Variants in DOCK2 observed in about 807,000 individuals in gnomAD.
The protein encoded by DOCK2 is dedicator of cytokinesis protein 2.
In DOCK2, 87 loss-of-function variants were observed where a neutral mutation model predicts 248.9. The observed-to-expected ratio is 0.35, with a 90% CI of 0.29 to 0.42. DOCK2 has a LOEUF of 0.42. Ranked by LOEUF, DOCK2 falls within the 10% of genes least tolerant of loss-of-function variation. The pLI, the probability that DOCK2 is intolerant of heterozygous loss-of-function variation, is 1.00. For missense variants in DOCK2, 1,747 were observed against 2,300.2 expected (o/e 0.76, Z 4.92); for synonymous variants, 805 against 821.6 (o/e 0.98, Z 0.35).
chr5:169,915,414 G>T (rs1391765454), intron 27 of DOCK2, among the ~76,000 whole-genome samples: 2 of 152,086 alleles, frequency 1.3e-5, no homozygotes, highest in African/African-American at 4.8e-5. Context: ...CCATTTTGCT[G>T]GTGGAAAACT....
chr5:169,706,757 C>A (rs944210897), intron 14 of DOCK2, among the ~76,000 whole-genome samples: 1 of 152,182 alleles, frequency 6.6e-6, no homozygotes, highest in Non-Finnish European at 1.5e-5. Context: ...ATTCTGTTTT[C>A]AAATGGATCG....
intron 32 of DOCK2, among the ~76,000 whole-genome samples, chr5:170,009,230 C>G (rs1336244963): frequency 6.6e-6 from 1 of 152,014 alleles, no homozygotes; most frequent in Non-Finnish European, 1.5e-5. Flanking sequence ...TTCAGGAATT[C>G]TGTGTGATTA....
At chr5:169,656,076 A>G (rs1758093830) in intron 2 of DOCK2, among the ~76,000 whole-genome samples, 2 of 152,342 alleles carry the variant, frequency 1.3e-5, no homozygotes, top group Non-Finnish European at 2.9e-5. Flanking sequence ...GATTCCACGC[A>G]CGCTGCCCCC....
At chr5:169,887,616 T>G (rs998558568) in intron 27 of DOCK2, among the ~76,000 whole-genome samples, 13 of 152,252 alleles carry the variant, frequency 8.5e-5, no homozygotes, top group African/African-American at 3.1e-4. Context: ...ATTATCTATT[T>G]AAATAGTATT....
At chr5:169,732,919 C>T (rs921066907) in intron 22 of DOCK2, among the ~76,000 whole-genome samples, 4 of 152,134 alleles carry the variant, frequency 2.6e-5, no homozygotes, top group African/African-American at 9.7e-5. Flanking sequence ...TTCTCCCTGT[C>T]TTACTGTACG....
chr5:170,015,781 C>T (rs183990421), intron 32 of DOCK2, among the ~76,000 whole-genome samples: 49 of 151,394 alleles, frequency 3.2e-4, no homozygotes, highest in Admixed American at 8.6e-4. Context: ...TTCACAAAAG[C>T]CTCCCTCCCT....
In DOCK2 at chr5:169,752,537, A is replaced by G. The variant is rs115616399; in HGVS notation, c.2376+5033A>G. On this transcript the variant is annotated intron_variant, in intron 23 of 51. Coordinates refer to ENST00000520908, the MANE Select transcript of DOCK2 (RefSeq NM_004946.3). ...GAGGATCTCTCAAGCCTAGGAGTTC[A>G]AGACCAGGCTGGGGAACATAGTGAG... 5.4e-3 allele frequency among the ~76,000 whole-genome samples: 815 copies of G among 150,796 alleles called. 10 individuals are homozygous for G. The highest frequency in any genetic ancestry group is 0.019 in the African/African-American group (785 of 41,016).
At position 169,718,677 on chromosome 5, in the gene DOCK2, A is replaced by G; in HGVS notation, c.2153A>G (p.Lys718Arg). 2 of 1,613,646 alleles carry G rather than the reference A, an allele frequency of 1.2e-6. No homozygotes were observed. The highest frequency in any genetic ancestry group is 1.7e-6 in the Non-Finnish European group (2 of 1,179,694). ...LAYKKLMTVL[K>R]TYLDTSSRGE... ...TTCAGGAAATTGATGACAGTGCTGA[A>G]GACTTACTTGGATACCTCCAGCAGA... is the stretch of plus-strand genomic sequence containing the variant. The change falls in exon 22 of 52, where the codon AAG (lysine) becomes AGG (arginine). Residue 718 changes from lysine (K) to arginine (R), a missense_variant. By Grantham distance (26) the Lys-to-Arg change is conservative (BLOSUM62 2). Coordinates refer to ENST00000520908, the MANE Select transcript of DOCK2 (RefSeq NM_004946.3).
In DOCK2 at chr5:169,974,945, A is replaced by G. The variant is rs555200579; in HGVS notation, c.2800-8123A>G. Among the ~76,000 whole-genome samples, 3 of 152,208 alleles carry G rather than the reference A, an allele frequency of 2.0e-5. No individual in the cohort carries two copies. The South Asian group carries it at 6.2e-4, about 32-fold the overall frequency. On this transcript the variant is annotated intron_variant, in intron 27 of 51. Coordinates refer to ENST00000520908, the MANE Select transcript of DOCK2 (RefSeq NM_004946.3). ...CTGAATGATAACCCCTCTCCTGGCA[A>G]GCAGGCTTCTCAGGTAGGCCCCCAG...
chr5:169,792,349 A>AAT (rs1766387112), intron 25 of DOCK2, among the ~76,000 whole-genome samples: 1 of 55,826 alleles, frequency 1.8e-5, no homozygotes, highest in South Asian at 1.1e-3. Flanking sequence ...TTATTTATGT[A>AAT]ATGTGTGTGT....
intron 44 of DOCK2, among the ~76,000 whole-genome samples, chr5:170,058,621 A>G (rs1757219541): frequency 6.6e-6 from 1 of 152,162 alleles, no homozygotes; most frequent in African/African-American, 2.4e-5. Context: ...CTGGGCCCAG[A>G]GTATGCTTGT....
intron 22 of DOCK2, among the ~76,000 whole-genome samples, chr5:169,723,839 C>G (rs1581098003): frequency 6.6e-6 from 1 of 152,174 alleles, no homozygotes; most frequent in African/African-American, 2.4e-5. Context: ...CTTTTGTTGA[C>G]TGTCCCTTCC....
chr5:169,829,738 A>AGTTGTATTTAC (rs1769104598), intron 26 of DOCK2, among the ~76,000 whole-genome samples: 1 of 152,192 alleles, frequency 6.6e-6, no homozygotes, highest in African/African-American at 2.4e-5. Flanking sequence ...ACAGTTTTGC[A>AGTTGTATTTAC]GTTGTATTTA....
chr5:169,994,501 G>A (rs1233830938), intron 29 of DOCK2, among the ~76,000 whole-genome samples: 1 of 152,178 alleles, frequency 6.6e-6, no homozygotes. Flanking sequence ...TGTGCTCATA[G>A]GAGGGGTGCC....
At chr5:170,082,499 A>G (rs1758069028) in intron 51 of DOCK2, among the ~76,000 whole-genome samples, 1 of 152,176 alleles carries the variant, frequency 6.6e-6, no homozygotes, top group Admixed American at 6.5e-5. Flanking sequence ...GTCAGGCACC[A>G]TGCTAAGCAC....
chr5:169,916,350 C>A (rs565320053), intron 27 of DOCK2, among the ~76,000 whole-genome samples: 6 of 152,196 alleles, frequency 3.9e-5, no homozygotes, highest in African/African-American at 1.4e-4. Context: ...TGACAGGTGG[C>A]CTTTCATCAG....
rs1764585630 is a variant in DOCK2, at chr5:169,763,232, G to C, written c.2554+1607G>C. 6.6e-6 allele frequency among the ~76,000 whole-genome samples: 1 copy of C among 152,138 alleles called. No individual in the cohort carries two copies. Among genetic ancestry groups the C allele is most frequent in the Admixed American group, 6.5e-5 (1 of 15,268 alleles). ...GAGACTTCCATGGTTTTAAAGTTCT[G>C]ATTTCCACCTCCAAATAAATTTCCC... On this transcript the variant is annotated intron_variant, in intron 25 of 51. Transcript: ENST00000520908. The surrounding 1 kb of genome is among the most constrained non-coding windows in gnomAD (Gnocchi z 4.1).
chr5:169,881,562 C>A (rs940993225), intron 27 of DOCK2: 1 of 716,682 alleles, frequency 1.4e-6, no homozygotes, highest in Non-Finnish European at 2.5e-6. Flanking sequence ...TGAAGTTGCA[C>A]GGCCATTACA....
intron 26 of DOCK2, among the ~76,000 whole-genome samples, chr5:169,829,629 TATTTGTTA>T (rs1281510086): frequency 7.9e-5 from 12 of 152,348 alleles, no homozygotes; most frequent in Non-Finnish European, 1.6e-4. Context: ...TGGCTCAGGA[TATTTGTTA>T]ATTGACATTA....
Sources: gnomAD v4.1 joint callset for allele counts (sites outside exome capture counted in the v4.1 genomes callset) on GRCh38, gnomAD v4.1.1 for gene constraint, Gnocchi (gnomAD v3.1) non-coding constraint, MANE v1.5 for transcripts, NCBI Gene and HGNC (gene_info 2026-07-23, HGNC 2026-07-21) for gene names.